The following OTUD7B variants were observed in gnomAD, a reference collection of about 807,000 sequenced individuals.
The protein encoded by OTUD7B is OTU domain-containing protein 7B.
A neutral mutation model predicts 82.2 loss-of-function variants in OTUD7B; 34 were observed. That is an observed-to-expected ratio of 0.41 (90% CI 0.31 to 0.55). OTUD7B has a LOEUF of 0.55. Ranked by LOEUF, OTUD7B falls within the 20% of genes least tolerant of loss-of-function variation. The probability of loss-of-function intolerance (pLI) is 0.20; values close to 1 mark genes in which losing one functional copy is unlikely to be tolerated. For synonymous variants in OTUD7B, 398 were observed against 402.7 expected (o/e 0.99, Z 0.14); for missense variants, 944 against 1,062.1 (o/e 0.89, Z 1.55).
intron 1 of OTUD7B, among the ~76,000 whole-genome samples, chr1:150,005,010 G>A (rs1010827311): frequency 2.6e-5 from 4 of 152,022 alleles, no homozygotes; most frequent in Admixed American, 1.3e-4. Flanking sequence ...TTACAGGCGT[G>A]AGCCACTGTG....
At chr1:150,044,723 T>C in the OTUD7B span, among the ~76,000 whole-genome samples, 1 of 151,496 alleles carries the variant, frequency 6.6e-6, no homozygotes, top group Non-Finnish European at 1.5e-5. Flanking sequence ...AGTTCAAGGA[T>C]ATGTAGCAAA....
chr1:149,962,907 C>T (rs1649255289), intron 6 of OTUD7B: 1 of 152,176 alleles, frequency 6.6e-6, no homozygotes, highest in African/African-American at 2.4e-5. Context: ...CCACGAGATC[C>T]AGCCAAGCTT....
At chr1:150,050,265 T>A in the OTUD7B span, among the ~76,000 whole-genome samples, 2 of 152,002 alleles carry the variant, frequency 1.3e-5, no homozygotes, top group Non-Finnish European at 2.9e-5. Flanking sequence ...TTATCTCTCA[T>A]ATCCCAGGAA....
chr1:149,945,379 A>G (rs1348725057), intron 11 of OTUD7B, among the ~76,000 whole-genome samples: 1 of 152,182 alleles, frequency 6.6e-6, no homozygotes, highest in Non-Finnish European at 1.5e-5. Flanking sequence ...ATAAGGAGAT[A>G]GTAGAATAAA....
intron 6 of OTUD7B, among the ~76,000 whole-genome samples, chr1:149,960,120 C>A (rs35230744): frequency 0.12 from 18,042 of 152,094 alleles, 1,671 homozygotes; most frequent in African/African-American, 0.26. Context: ...CTAATTGCCA[C>A]ATTCAGTGGA....
chr1:150,023,525 T>C, the OTUD7B span, among the ~76,000 whole-genome samples: 1 of 151,988 alleles, frequency 6.6e-6, no homozygotes, highest in Admixed American at 6.6e-5. Flanking sequence ...GTGAAGTGAG[T>C]CAGGTACAGA....
chr1:150,012,241 C>CG (rs1257587333), upstream of OTUD7B, among the ~76,000 whole-genome samples: 1 of 151,980 alleles, frequency 6.6e-6, no homozygotes, highest in Non-Finnish European at 1.5e-5. Context: ...TGGAAGGGTA[C>CG]GGGGGTGGAC....
At chr1:149,945,672 C>G (rs1404724171) in intron 11 of OTUD7B, among the ~76,000 whole-genome samples, 1 of 152,184 alleles carries the variant, frequency 6.6e-6, no homozygotes, top group Non-Finnish European at 1.5e-5. Flanking sequence ...GCTACTCCGT[C>G]TCCTAGTGCC....
intron 1 of OTUD7B, among the ~76,000 whole-genome samples, chr1:149,988,058 T>C (rs1651275094): frequency 6.6e-6 from 1 of 152,206 alleles, no homozygotes. Flanking sequence ...TAATCTCATG[T>C]ATATTATCTA....
chr1:150,046,644 T>C, the OTUD7B span, among the ~76,000 whole-genome samples: 1 of 138,708 alleles, frequency 7.2e-6, no homozygotes, highest in South Asian at 2.4e-4. Flanking sequence ...AGAGACGGGG[T>C]TCCACCATGT....
At position 149,990,764 on chromosome 1, in the gene OTUD7B, G is replaced by A. The variant is rs587711387; in HGVS notation, c.-66-13188C>T. Among the ~76,000 whole-genome samples the A allele has an allele frequency of 2.0e-5, 3 of 152,288 alleles. No homozygotes were observed. In the South Asian group the frequency reaches 6.2e-4, roughly 32 times the overall value. On this transcript the variant is annotated intron_variant, in intron 1 of 11. Coordinates refer to ENST00000581312, the MANE Select transcript of OTUD7B (RefSeq NM_020205.4). ...TAATTCCAGCACTTTGGGAGGCCGA[G>A]GCAGGTGGATCACCTGAGGTCAGGA...
At chr1:150,027,500 T>A in the OTUD7B span, among the ~76,000 whole-genome samples, 1 of 152,140 alleles carries the variant, frequency 6.6e-6, no homozygotes, top group South Asian at 2.1e-4. Context: ...GGCAGGAGAA[T>A]CGGTTGAACC....
At position 149,967,537 on chromosome 1, in the gene OTUD7B, G is replaced by C. The variant is rs782407225; in HGVS notation, c.275-16C>G. 1 of 1,574,946 alleles carries C rather than the reference G, an allele frequency of 6.3e-7. No individual in the cohort carries two copies. The highest frequency in any genetic ancestry group is 2.2e-5 in the East Asian group (1 of 44,626). ...AGGCGTTTTTCTGCAATGAGAAATG[G>C]AGTCACCTTAGAACATACACAGCCC... On this transcript the variant is annotated splice_polypyrimidine_tract_variant and intron_variant, in intron 3 of 11. Transcript: ENST00000581312.
chr1:149,950,363 T>C, intron 7 of OTUD7B, 142 bp from the exon 8 acceptor site: 2 of 746,036 alleles, frequency 2.7e-6, no homozygotes, highest in Non-Finnish European at 4.3e-6. Context: ...CTGCCACTGA[T>C]ATAGCTGATT....
At chr1:150,016,609 C>T in the OTUD7B span, among the ~76,000 whole-genome samples, 12 of 152,090 alleles carry the variant, frequency 7.9e-5, no homozygotes, top group East Asian at 2.1e-3. Flanking sequence ...CCCACCACCA[C>T]GCCTGGCTAA....
the OTUD7B span, among the ~76,000 whole-genome samples, chr1:150,032,277 A>G: frequency 6.8e-6 from 1 of 147,788 alleles, no homozygotes; most frequent in Non-Finnish European, 1.5e-5. Flanking sequence ...CCGCCATTGC[A>G]CTCCAGCCTG....
Position 149,939,463 on chromosome 1 carries a change from G to C in OTUD7B, c.*4394C>G, listed in dbSNP as rs1467411669. 2 of 152,338 alleles carry C rather than the reference G, an allele frequency of 1.3e-5. No individual in the cohort carries two copies. Among genetic ancestry groups the C allele is most frequent in the African/African-American group, 4.8e-5 (2 of 41,566 alleles). The allele number at this position is 152,338 out of a possible 1,614,324, so 9.4% of individuals were successfully genotyped here. On this transcript the variant is annotated 3_prime_UTR_variant, in exon 12 of 12. Coordinates refer to ENST00000581312, the MANE Select transcript of OTUD7B (RefSeq NM_020205.4). ...GATTTGCAGACTGGCTGTCTGCAAAGTAGAAGAGACAGAATGCCTGCATGA... is the reference window on the plus strand; with the variant it reads ...GATTTGCAGACTGGCTGTCTGCAAACTAGAAGAGACAGAATGCCTGCATGA...
At chr1:149,996,761 C>T (rs1451327319) in intron 1 of OTUD7B, among the ~76,000 whole-genome samples, 1 of 152,188 alleles carries the variant, frequency 6.6e-6, no homozygotes, top group African/African-American at 2.4e-5. Context: ...AGGCTAGGAT[C>T]TTGCTACTAA....
the OTUD7B span, among the ~76,000 whole-genome samples, chr1:150,019,487 C>T: frequency 1.3e-5 from 2 of 152,154 alleles, no homozygotes; most frequent in Non-Finnish European, 2.9e-5. Context: ...CCTGCCTCAG[C>T]CTCCTGAGTA....
Sources: allele counts gnomAD v4.1 joint callset (sites outside exome capture counted in the v4.1 genomes callset), GRCh38; gene constraint gnomAD v4.1.1; transcripts MANE v1.5; gene names NCBI Gene and HGNC (gene_info 2026-07-23, HGNC 2026-07-21).